Variants in RAB37 observed in about 807,000 individuals in gnomAD.
RAB37 encodes RAB37, member RAS oncogene family.
A neutral mutation model predicts 33.1 loss-of-function variants in RAB37; 29 were observed. The observed-to-expected ratio is 0.88, with a 90% CI of 0.65 to 1.20. The LOEUF is 1.20. Among genes scored for constraint, RAB37 ranks in the 50% most tolerant of loss-of-function variants. The pLI is 0.00. For synonymous variants in RAB37, 128 were observed against 119.5 expected, an observed-to-expected ratio of 1.07 and a Z score of -0.47; for missense variants, 299 against 301.1, an observed-to-expected ratio of 0.99 and a Z score of 0.05.
chr17:74,735,514 C>A (rs1237661586), upstream of RAB37, among the ~76,000 whole-genome samples: 1 of 152,170 alleles, frequency 6.6e-6, no homozygotes, highest in African/African-American at 2.4e-5. Context: ...CCAGCCTGGG[C>A]GACAGAGTGA....
intron 1 of RAB37, among the ~76,000 whole-genome samples, chr17:74,737,919 T>C (rs2034519892): frequency 6.6e-6 from 1 of 152,162 alleles, no homozygotes; most frequent in South Asian, 2.1e-4. Flanking sequence ...CCCAGAAGGA[T>C]GTTGCCAGCC....
chr17:74,729,385 T>A lies in RAB37; in HGVS notation c.183+19T>A. On this transcript the variant is annotated intron_variant, in intron 2 of 7. Coordinates refer to the RAB37 transcript ENST00000340415. This position sits in a 1 kb window ranked among gnomAD's most constrained non-coding sequence, Gnocchi z 4.2. ...ATTCACGGTAAGCACTGGCCGGCAC[T>A]GCCAGCTCTGGGCCTGGGCTCAGGA... The A allele has an allele frequency of 1.3e-6, 2 of 1,573,442 alleles. No individual in the cohort carries two copies. Among genetic ancestry groups the A allele is most frequent in the South Asian group, 1.1e-5 (1 of 90,304 alleles).
At chr17:74,717,884 A>C (rs1383499121) in intron 1 of RAB37, among the ~76,000 whole-genome samples, 1 of 151,628 alleles carries the variant, frequency 6.6e-6, no homozygotes, top group Non-Finnish European at 1.5e-5. Context: ...CCATGTGAGG[A>C]CACAGCAAGA....
rs1174757907 is a variant in RAB37, at chr17:74,742,779, C to G, written c.247-350C>G. ...TAGCTGAGACTACAGGTGCATGCCA[C>G]CACACCTGGCTAATTTTTTGTATTT... On this transcript the variant is annotated intron_variant, in intron 3 of 8. Coordinates refer to ENST00000392613, the MANE Select transcript of RAB37 (RefSeq NM_001006638.3). This position sits in a 1 kb window ranked among gnomAD's most constrained non-coding sequence, Gnocchi z 4.0. 6.6e-6 allele frequency among the ~76,000 whole-genome samples: 1 copy of G among 152,058 alleles called. No homozygotes were observed. The highest frequency in any genetic ancestry group is 1.5e-5 in the Non-Finnish European group (1 of 67,996).
chr17:74,676,772 G>A lies in RAB37; in HGVS notation c.72+5114G>A, dbSNP rs886201376. Among the ~76,000 whole-genome samples the A allele has an allele frequency of 7.9e-5, 12 of 152,118 alleles. No individual in the cohort carries two copies. Among genetic ancestry groups the A allele is most frequent in the East Asian group, 1.9e-4 (1 of 5,190 alleles). On this transcript the variant is annotated intron_variant, in intron 1 of 7. Transcript: ENST00000340415. This position sits in a 1 kb window ranked among gnomAD's most constrained non-coding sequence, Gnocchi z 4.1. ...TCCAGAAGTGTCCTAAGAAAGATAC[G>A]GGTAGCTGCAAGGGAGTGACCCAGG...
In RAB37 at chr17:74,745,435, T is replaced by G; in HGVS notation, c.*24T>G. The G allele has an allele frequency of 6.3e-7, 1 of 1,581,372 alleles. No homozygotes were observed. Among genetic ancestry groups the G allele is most frequent in the South Asian group, 1.1e-5 (1 of 90,366 alleles). ...GAATCCCAGGGGGCAGAGAGGAGGC[T>G]CTGGAGGCACACAGGATGCAGCCTT... On this transcript the variant is annotated 3_prime_UTR_variant, in exon 9 of 9. Transcript: ENST00000392613. This position sits in a 1 kb window ranked among gnomAD's most constrained non-coding sequence, Gnocchi z 4.5.
intron 1 of RAB37, among the ~76,000 whole-genome samples, chr17:74,728,818 T>G (rs1011708404): frequency 2.6e-5 from 4 of 151,950 alleles, no homozygotes; most frequent in Non-Finnish European, 5.9e-5. Flanking sequence ...TGTACATGTG[T>G]TTTTCTGTGT....
In RAB37 at chr17:74,729,096, ATG is replaced by A. The variant is rs1237212549; in HGVS notation, c.73-152_73-151del. On this transcript the variant is annotated intron_variant, in intron 1 of 7. Coordinates refer to the RAB37 transcript ENST00000340415. This position sits in a 1 kb window ranked among gnomAD's most constrained non-coding sequence, Gnocchi z 4.2. ...TGTGTACATGTTTTTCTATGTCTGT[ATG>A]TGTGTGTCAGTGTCTTGTGTGTGTG... 6.6e-6 allele frequency among the ~76,000 whole-genome samples: 1 copy of A among 151,230 alleles called. No individual in the cohort carries two copies. Among genetic ancestry groups the A allele is most frequent in the Non-Finnish European group, 1.5e-5 (1 of 67,764 alleles).
At chr17:74,704,993 C>G (rs902318006) in intron 1 of RAB37, among the ~76,000 whole-genome samples, 6 of 152,140 alleles carry the variant, frequency 3.9e-5, no homozygotes, top group African/African-American at 1.4e-4. Context: ...TCAAAGCCAC[C>G]AGGAAAATCA....
chr17:74,727,558 C>T (rs145518997), intron 1 of RAB37, among the ~76,000 whole-genome samples: 52 of 152,356 alleles, frequency 3.4e-4, no homozygotes, highest in Non-Finnish European at 6.9e-4. Context: ...AGTGTCCCTG[C>T]TGTGCTCCGC....
intron 1 of RAB37, chr17:74,694,870 C>T (rs2032277935): frequency 2.2e-6 from 1 of 456,302 alleles, no homozygotes; most frequent in African/African-American, 2.0e-5. Flanking sequence ...TCCCTAGCCC[C>T]CTCCTCAACT....
chr17:74,712,197 T>C lies in RAB37; in HGVS notation c.73-17059T>C, dbSNP rs886988163. Reference sequence around the variant, plus strand: ...GATTACAGGAATGAGCCTCTTTCCCTGGCCTCCCTTCATTTTTAATAAAAA... The same window carrying C: ...GATTACAGGAATGAGCCTCTTTCCCCGGCCTCCCTTCATTTTTAATAAAAA... On this transcript the variant is annotated intron_variant, in intron 1 of 7. Transcript: ENST00000340415. Among the ~76,000 whole-genome samples the C allele has an allele frequency of 7.2e-5, 11 of 152,316 alleles. No homozygotes were observed. In the South Asian group the frequency reaches 2.1e-3, roughly 29 times the overall value.
In RAB37 at chr17:74,729,746, TCTC is replaced by T. The variant is rs1024919415; in HGVS notation, c.183+386_183+388del. Among the ~76,000 whole-genome samples, 6 of 152,096 alleles carry T rather than the reference TCTC, an allele frequency of 3.9e-5. No individual in the cohort carries two copies. Among genetic ancestry groups the T allele is most frequent in the African/African-American group, 1.2e-4 (5 of 41,416 alleles). ...AGAACAATCCCCTGTCCCACCTTGCTCTCCTCCTGCTCCCCATCTCCTTCTGGG... is the reference window on the plus strand; with the variant it reads ...AGAACAATCCCCTGTCCCACCTTGCTCTCCTGCTCCCCATCTCCTTCTGGG... On this transcript the variant is annotated intron_variant, in intron 2 of 7. Coordinates refer to the RAB37 transcript ENST00000340415. This position sits in a 1 kb window ranked among gnomAD's most constrained non-coding sequence, Gnocchi z 4.2.
At chr17:74,720,333 C>G (rs2034222505) in intron 1 of RAB37, among the ~76,000 whole-genome samples, 1 of 152,054 alleles carries the variant, frequency 6.6e-6, no homozygotes, top group Non-Finnish European at 1.5e-5. Flanking sequence ...GACTGTAATG[C>G]CAGCACTTTG....
intron 1 of RAB37, among the ~76,000 whole-genome samples, chr17:74,718,668 A>T (rs2034200899): frequency 6.6e-6 from 1 of 152,206 alleles, no homozygotes; most frequent in Non-Finnish European, 1.5e-5. Context: ...CCTCCTCAAC[A>T]CACACACAGA....
At chr17:74,705,751 C>T (rs192328718) in intron 1 of RAB37, among the ~76,000 whole-genome samples, 76 of 152,132 alleles carry the variant, frequency 5.0e-4, no homozygotes, top group Admixed American at 2.0e-3. Flanking sequence ...CATGCCTCCA[C>T]GCCTGGCTAA....
At chr17:74,741,861 G>T (rs770849950) in intron 2 of RAB37, among the ~76,000 whole-genome samples, 3 of 152,228 alleles carry the variant, frequency 2.0e-5, no homozygotes, top group Non-Finnish European at 4.4e-5. Context: ...TCCCCAGGAT[G>T]CAGGCAAACA....
chr17:74,724,550 C>T (rs896838402), intron 1 of RAB37, among the ~76,000 whole-genome samples: 6 of 152,166 alleles, frequency 3.9e-5, no homozygotes, highest in Non-Finnish European at 8.8e-5. Flanking sequence ...GTGTGAGCAA[C>T]GTGGCTGTTT....
rs556728818 is a variant in RAB37 at position 74,729,068 on chromosome 17, ATG to A, written c.73-182_73-181del. On this transcript the variant is annotated intron_variant, in intron 1 of 7. Coordinates refer to the RAB37 transcript ENST00000340415. This position sits in a 1 kb window ranked among gnomAD's most constrained non-coding sequence, Gnocchi z 4.2. ...TTGTGTGTGCATGGGTGTTCTGTGT[ATG>A]TGTGTACATGTTTTTCTATGTCTGT... Among the ~76,000 whole-genome samples, 450 of 151,734 alleles carry A rather than the reference ATG, an allele frequency of 3.0e-3. 4 individuals are homozygous for A. Among genetic ancestry groups the A allele is most frequent in the African/African-American group, 0.011 (436 of 41,348 alleles).
Sources: gnomAD v4.1 joint callset for allele counts (sites outside exome capture counted in the v4.1 genomes callset) on GRCh38, gnomAD v4.1.1 for gene constraint, Gnocchi (gnomAD v3.1) non-coding constraint, MANE v1.5 for transcripts, NCBI Gene and HGNC (gene_info 2026-07-23, HGNC 2026-07-21) for gene names.